Variants in PBOV1 observed in about 807,000 individuals in gnomAD.
PBOV1 encodes the protein prostate and breast cancer overexpressed 1, also known as prostate and breast cancer overexpressed gene 1 protein.
For synonymous variants in PBOV1, 46 were observed against 55.9 expected, an observed-to-expected ratio of 0.82 and a Z score of 0.79; for missense variants, 147 against 151.4, an observed-to-expected ratio of 0.97 and a Z score of 0.15.
At position 138,216,861 on chromosome 6, in the gene PBOV1, G is replaced by A. The variant is rs1474259446; in HGVS notation, c.*1127C>T. ...ATATTGTTTGTGCAGTTAATGCAGG[G>A]AAGTGTCTAAAATATGTGGTTCTGC... On this transcript the variant is annotated 3_prime_UTR_variant, in exon 1 of 1. Coordinates refer to ENST00000527246, the MANE Select transcript of PBOV1 (RefSeq NM_021635.3). 6.6e-6 allele frequency: 1 copy of A among 152,216 alleles called. No individual in the cohort carries two copies. 9.4% of individuals were successfully genotyped at this position (152,216 alleles called of 1,614,324 possible).
In PBOV1 at chr6:138,217,080, C is replaced by T. The variant is rs1337661526; in HGVS notation, c.*908G>A. On this transcript the variant is annotated 3_prime_UTR_variant, in exon 1 of 1. Transcript: ENST00000527246. ...AAAGTAATGAACAAACATTGAAAGC[C>T]TGGAGATGTGATTTTCCTTTAAATA... The T allele has an allele frequency of 1.3e-5, 2 of 152,170 alleles. No individual in the cohort carries two copies. The highest frequency in any genetic ancestry group is 2.4e-5 in the African/African-American group (1 of 41,420). 9.4% of individuals were successfully genotyped at this position (152,170 alleles called of 1,614,324 possible). A position where few individuals can be genotyped will look rare whatever the true frequency, so the allele number is the denominator to read the frequency against.
In PBOV1 at chr6:138,216,419, G is replaced by A. The variant is rs1026041612; in HGVS notation, c.*1569C>T. 3.3e-5 allele frequency: 5 copies of A among 152,216 alleles called. No homozygotes were observed. The highest frequency in any genetic ancestry group is 1.2e-4 in the African/African-American group (5 of 41,444). 9.4% of individuals were successfully genotyped at this position (152,216 alleles called of 1,614,324 possible). A position where few individuals can be genotyped will look rare whatever the true frequency, so the allele number is the denominator to read the frequency against. The stretch of plus-strand genomic sequence containing the variant: ...AGAGTTCTGGTATTACAAAGTGGAA[G>A]GGAGTGTGCTTTTAAATTATGTATC... On this transcript the variant is annotated 3_prime_UTR_variant, in exon 1 of 1. Transcript: ENST00000527246.
the PBOV1 span, chr6:138,218,052 T>TAGAC: frequency 1.2e-6 from 2 of 1,613,584 alleles, no homozygotes; most frequent in Admixed American, 3.3e-5. Flanking sequence ...ACCTAGGGTC[T>TAGAC]GAGTTAACTG....
rs1777880181 is a variant in PBOV1, at chr6:138,217,085, G to A, written c.*903C>T. 1 of 152,228 alleles carries A rather than the reference G, an allele frequency of 6.6e-6. No homozygotes were observed. Among genetic ancestry groups the A allele is most frequent in the African/African-American group, 2.4e-5 (1 of 41,464 alleles). 9.4% of individuals were successfully genotyped at this position (152,228 alleles called of 1,614,324 possible). On this transcript the variant is annotated 3_prime_UTR_variant, in exon 1 of 1. Transcript: ENST00000527246. ...AATGAACAAACATTGAAAGCCTGGAGATGTGATTTTCCTTTAAATAGTTTA... is the reference window on the plus strand; with the variant it reads ...AATGAACAAACATTGAAAGCCTGGAAATGTGATTTTCCTTTAAATAGTTTA...
At position 138,218,183 on chromosome 6, in the gene PBOV1, A is replaced by G; in HGVS notation, c.213T>C (p.Tyr71=). The G allele has an allele frequency of 6.2e-7, 1 of 1,613,972 alleles. No individual in the cohort carries two copies. The highest frequency in any genetic ancestry group is 8.5e-7 in the Non-Finnish European group (1 of 1,179,856). Residue 71 remains tyrosine, a synonymous_variant, in exon 1 of 1, where the codon TAT becomes TAC. Coordinates refer to ENST00000527246, the MANE Select transcript of PBOV1 (RefSeq NM_021635.3). Reference sequence around the variant, plus strand: ...TTGCATGGTGTGACTGTTCTATGGAATAATCAATGAACTCTGTTGCCTTTT... The same window carrying G: ...TTGCATGGTGTGACTGTTCTATGGAGTAATCAATGAACTCTGTTGCCTTTT... The part of the protein sequence containing the change: ...RSQKATEFID[Y]SIEQSHHAIL...
chr6:138,217,747 A>G lies in PBOV1; in HGVS notation c.*241T>C. ...TGGTAGTTTTTAATGGCCCACTAGGATAAATAACAAACTAAATTGAGATAA... is the reference window on the plus strand; with the variant it reads ...TGGTAGTTTTTAATGGCCCACTAGGGTAAATAACAAACTAAATTGAGATAA... On this transcript the variant is annotated 3_prime_UTR_variant, in exon 1 of 1. Transcript: ENST00000527246. The G allele has an allele frequency of 1.9e-6, 1 of 514,358 alleles. No homozygotes were observed. The highest frequency in any genetic ancestry group is 1.9e-5 in the African/African-American group (1 of 51,466). The allele number at this position is 514,358 out of a possible 1,614,324, so 31.9% of individuals were successfully genotyped here. A position where few individuals can be genotyped will look rare whatever the true frequency, so the allele number is the denominator to read the frequency against.
Position 138,218,317 on chromosome 6 carries a change from G to T in PBOV1, c.79C>A (p.His27Asn). 3 of 1,567,624 alleles carry T rather than the reference G, an allele frequency of 1.9e-6. No individual in the cohort carries two copies. The change falls in exon 1 of 1, where the codon CAC becomes AAC. Residue 27 changes from histidine (H) to asparagine (N), a missense_variant. Physicochemically the swap from His to Asn is moderately conservative, Grantham distance 68. Transcript: ENST00000527246. ...AGCCTTGGGAAGTTACTTAATCTGT[G>T]CCTCAATTTTCTGATCTGTAAAATG... The part of the protein sequence containing the change: ...IHILQIRKLR[H>N]RLSNFPRLPG...
Position 138,216,845 on chromosome 6 carries a change from G to T in PBOV1, c.*1143C>A, listed in dbSNP as rs751344577. The T allele has an allele frequency of 1.2e-4, 18 of 152,216 alleles. No homozygotes were observed. The highest frequency in any genetic ancestry group is 2.4e-4 in the Non-Finnish European group (16 of 68,038). 9.4% of individuals were successfully genotyped at this position (152,216 alleles called of 1,614,324 possible). Reference sequence around the variant, plus strand: ...TAACAAGTTTGCAAACATATTGTTTGTGCAGTTAATGCAGGGAAGTGTCTA... The same window carrying T: ...TAACAAGTTTGCAAACATATTGTTTTTGCAGTTAATGCAGGGAAGTGTCTA... On this transcript the variant is annotated 3_prime_UTR_variant, in exon 1 of 1. Transcript: ENST00000527246.
Position 138,217,916 on chromosome 6 carries a change from G to C in PBOV1, c.*72C>G. Reference sequence around the variant, plus strand: ...TCAGTTACTTGGCTGGGCTTAAACAGTCATTGGTAGCAGAATTGCCTTTTC... The same window carrying C: ...TCAGTTACTTGGCTGGGCTTAAACACTCATTGGTAGCAGAATTGCCTTTTC... On this transcript the variant is annotated 3_prime_UTR_variant, in exon 1 of 1. Coordinates refer to ENST00000527246, the MANE Select transcript of PBOV1 (RefSeq NM_021635.3). 6.6e-7 allele frequency: 1 copy of C among 1,517,564 alleles called. No individual in the cohort carries two copies. Among genetic ancestry groups the C allele is most frequent in the Non-Finnish European group, 8.8e-7 (1 of 1,130,458 alleles). The allele number at this position is 1,517,564 out of a possible 1,614,324, so 94.0% of individuals were successfully genotyped here. A position where few individuals can be genotyped will look rare whatever the true frequency, so the allele number is the denominator to read the frequency against.
At position 138,218,452 on chromosome 6, in the gene PBOV1, T is replaced by C; in HGVS notation, c.-57A>G. 6.8e-7 allele frequency: 1 copy of C among 1,468,474 alleles called. No homozygotes were observed. Among genetic ancestry groups the C allele is most frequent in the Non-Finnish European group, 9.0e-7 (1 of 1,111,818 alleles). The allele number at this position is 1,468,474 out of a possible 1,614,324, so 91.0% of individuals were successfully genotyped here. A position where few individuals can be genotyped will look rare whatever the true frequency, so the allele number is the denominator to read the frequency against. On this transcript the variant is annotated 5_prime_UTR_variant, in exon 1 of 1. Coordinates refer to ENST00000527246, the MANE Select transcript of PBOV1 (RefSeq NM_021635.3). ...TAGCATAGAAGAATAATTTTGTAAA[T>C]TATTATACATCAATTAGCCACCTCG...
Position 138,216,746 on chromosome 6 carries a change from C to T in PBOV1, c.*1242G>A, listed in dbSNP as rs1042867674. On this transcript the variant is annotated 3_prime_UTR_variant, in exon 1 of 1. Transcript: ENST00000527246. ...CCCTTCAGAAGATTTGTAGCAATCT[C>T]TAGCGTTAAGGAAAAATCCAATGTT... 6.6e-6 allele frequency: 1 copy of T among 152,186 alleles called. No individual in the cohort carries two copies. Among genetic ancestry groups the T allele is most frequent in the Non-Finnish European group, 1.5e-5 (1 of 68,048 alleles). 9.4% of individuals were successfully genotyped at this position (152,186 alleles called of 1,614,324 possible). A position where few individuals can be genotyped will look rare whatever the true frequency, so the allele number is the denominator to read the frequency against.
chr6:138,217,888 G>A lies in PBOV1; in HGVS notation c.*100C>T. ...TTCATAAGTAAATTGAAGTTGGAAT[G>A]GTTCAGTTACTTGGCTGGGCTTAAA... On this transcript the variant is annotated 3_prime_UTR_variant, in exon 1 of 1. Coordinates refer to ENST00000527246, the MANE Select transcript of PBOV1 (RefSeq NM_021635.3). 7.1e-7 allele frequency: 1 copy of A among 1,417,146 alleles called. No homozygotes were observed. The highest frequency in any genetic ancestry group is 2.5e-5 in the Admixed American group (1 of 40,158). The allele number at this position is 1,417,146 out of a possible 1,614,324, so 87.8% of individuals were successfully genotyped here.
rs773221314 is a variant in PBOV1 at position 138,218,087 on chromosome 6, T to A, written c.309A>T (p.Glu103Asp). The change falls in exon 1 of 1, where the codon GAA (glutamate) becomes GAT (aspartate). Residue 103 changes from glutamate (E) to aspartate (D), a missense_variant. Physicochemically the swap from Glu to Asp is conservative, Grantham distance 45 (BLOSUM62 2). Coordinates refer to ENST00000527246, the MANE Select transcript of PBOV1 (RefSeq NM_021635.3). ...SSMKCSSLSS[E>D]AILFTLTLQL... ...GCAAAGTCAATGTGAATAATATGGC[T>A]TCTGAAGATAATGAGGAACATTTCA... is the stretch of plus-strand genomic sequence containing the variant. 6.2e-6 allele frequency: 10 copies of A among 1,613,982 alleles called. No individual in the cohort carries two copies. The highest frequency in any genetic ancestry group is 8.5e-6 in the Non-Finnish European group (10 of 1,179,852).
the PBOV1 span, chr6:138,218,048 G>GA: frequency 6.2e-7 from 1 of 1,613,662 alleles, no homozygotes; most frequent in Non-Finnish European, 8.5e-7. Flanking sequence ...CCAGACCTAG[G>GA]GTCTGAGTTA....
rs1338924697 is a variant in PBOV1, at chr6:138,216,690, G to A, written c.*1298C>T. 2 of 152,198 alleles carry A rather than the reference G, an allele frequency of 1.3e-5. No homozygotes were observed. The highest frequency in any genetic ancestry group is 4.8e-5 in the African/African-American group (2 of 41,446). The allele number at this position is 152,198 out of a possible 1,614,324, so 9.4% of individuals were successfully genotyped here. ...TTTGTCTTGCTGCTTATAACAGGGA[G>A]AAATCTCTTCTTAGCCTGAAGCCAT... On this transcript the variant is annotated 3_prime_UTR_variant, in exon 1 of 1. Transcript: ENST00000527246.
At position 138,217,843 on chromosome 6, in the gene PBOV1, T is replaced by G; in HGVS notation, c.*145A>C. The G allele has an allele frequency of 2.5e-6, 3 of 1,179,976 alleles. No homozygotes were observed. Among genetic ancestry groups the G allele is most frequent in the East Asian group, 2.5e-5 (1 of 39,386 alleles). 73.1% of individuals were successfully genotyped at this position (1,179,976 alleles called of 1,614,324 possible). On this transcript the variant is annotated 3_prime_UTR_variant, in exon 1 of 1. Coordinates refer to ENST00000527246, the MANE Select transcript of PBOV1 (RefSeq NM_021635.3). Reference sequence around the variant, plus strand: ...TTTGTATTTTAGAATTGAAATAACCTCCTACATCATCAAATTCTTTTCATA... The same window carrying G: ...TTTGTATTTTAGAATTGAAATAACCGCCTACATCATCAAATTCTTTTCATA...
At position 138,216,984 on chromosome 6, in the gene PBOV1, A is replaced by G. The variant is rs1470512552; in HGVS notation, c.*1004T>C. 6.6e-6 allele frequency: 1 copy of G among 152,202 alleles called. No homozygotes were observed. Among genetic ancestry groups the G allele is most frequent in the African/African-American group, 2.4e-5 (1 of 41,450 alleles). The allele number at this position is 152,202 out of a possible 1,614,324, so 9.4% of individuals were successfully genotyped here. ...TTGCAAACAGACTAATATAATTCTT[A>G]CTGAGTTTTCCTCCCATCTTTCTTT... On this transcript the variant is annotated 3_prime_UTR_variant, in exon 1 of 1. Coordinates refer to ENST00000527246, the MANE Select transcript of PBOV1 (RefSeq NM_021635.3).
rs1436504435 is a variant in PBOV1, at chr6:138,217,385, G to C, written c.*603C>G. ...TTTCTATGTGTCAGGCACTGTGCTG[G>C]GCACAGAAGATCCCATAGTGAAGAA... On this transcript the variant is annotated 3_prime_UTR_variant, in exon 1 of 1. Coordinates refer to ENST00000527246, the MANE Select transcript of PBOV1 (RefSeq NM_021635.3). The C allele has an allele frequency of 2.0e-5, 3 of 152,194 alleles. No individual in the cohort carries two copies. The highest frequency in any genetic ancestry group is 4.4e-5 in the Non-Finnish European group (3 of 68,072). The allele number at this position is 152,194 out of a possible 1,614,324, so 9.4% of individuals were successfully genotyped here.
At position 138,217,737 on chromosome 6, in the gene PBOV1, G is replaced by T; in HGVS notation, c.*251C>A. ...GAAACACATGTGGTAGTTTTTAATG[G>T]CCCACTAGGATAAATAACAAACTAA... On this transcript the variant is annotated 3_prime_UTR_variant, in exon 1 of 1. Transcript: ENST00000527246. 2.3e-6 allele frequency: 1 copy of T among 443,326 alleles called. No individual in the cohort carries two copies. The highest frequency in any genetic ancestry group is 3.7e-6 in the Non-Finnish European group (1 of 269,546). The allele number at this position is 443,326 out of a possible 1,614,324, so 27.5% of individuals were successfully genotyped here.
Sources: gnomAD v4.1 joint callset for allele counts on GRCh38, gnomAD v4.1.1 for gene constraint, MANE v1.5 for transcripts, NCBI Gene and HGNC (gene_info 2026-07-23, HGNC 2026-07-21) for gene names.